The following FMO2 variants were observed in gnomAD, a reference collection of about 807,000 sequenced individuals.
FMO2 encodes flavin-containing monooxygenase 2.
FMO2 carries 33 observed loss-of-function variants against 41.6 expected under a neutral mutation model. The ratio of observed to expected loss-of-function variants is 0.79; its 90% confidence interval spans 0.60 to 1.06. The LOEUF (loss-of-function observed/expected upper bound fraction) is 1.06, where lower values mean the gene tolerates loss of function less well. Among genes scored for constraint, FMO2 ranks in the 50% least tolerant of loss-of-function variants. The pLI, the probability that FMO2 is intolerant of heterozygous loss-of-function variation, is 0.00. For missense variants in FMO2, 619 were observed against 632.9 expected (o/e 0.98, Z 0.23); for synonymous variants, 214 against 219.6 (o/e 0.97, Z 0.23).
intron 7 of FMO2, 123 bp from the exon 8 acceptor site, chr1:171,207,595 C>T (rs1658814256): frequency 9.8e-6 from 7 of 714,652 alleles, no homozygotes; most frequent in South Asian, 8.7e-5. Context: ...AGTTCAACAG[C>T]ACGGAAGCCC....
intron 2 of FMO2, among the ~76,000 whole-genome samples, chr1:171,187,171 G>T (rs993808078): frequency 3.9e-5 from 6 of 152,184 alleles, no homozygotes; most frequent in Admixed American, 2.0e-4. Flanking sequence ...GCCCTAACTT[G>T]CATTCTTGCT....
intron 5 of FMO2, among the ~76,000 whole-genome samples, chr1:171,203,111 G>C (rs763678423): frequency 6.6e-6 from 1 of 152,020 alleles, no homozygotes; most frequent in African/African-American, 2.4e-5. Flanking sequence ...GGGAGGCTGC[G>C]GCAGGAGGAT....
rs748692365 is a variant in FMO2, at chr1:171,205,636, T to C, written c.1183+2T>C. The C allele has an allele frequency of 6.3e-7, 1 of 1,594,350 alleles. No individual in the cohort carries two copies. The highest frequency in any genetic ancestry group is 8.6e-7 in the Non-Finnish European group (1 of 1,168,462). ...GTTGGGTGACAAGAGTTTTCAAAGG[T>C]AAGTGTGTAGGCAGGTGAGTGGCTA... On this transcript the variant is annotated splice_donor_variant, in intron 7 of 8. Transcript: ENST00000209929. LOFTEE classifies it high-confidence loss of function.
At chr1:171,207,676 T>C (rs903327805) in intron 7 of FMO2, 42 bp from the exon 8 acceptor site, 1 of 1,265,058 alleles carries the variant, frequency 7.9e-7, no homozygotes, top group Non-Finnish European at 1.1e-6. Context: ...AGTAATGATA[T>C]TGACTCAAAC....
chr1:171,185,452 G>C (rs1440317060), intron 1 of FMO2, 93 bp downstream of exon 1: 3 of 333,568 alleles, frequency 9.0e-6, no homozygotes, highest in Non-Finnish European at 1.7e-5. Flanking sequence ...TTACTGCATA[G>C]TCTGGCTTTG....
At chr1:171,207,232 C>T (rs1658797672) in intron 7 of FMO2, among the ~76,000 whole-genome samples, 1 of 152,192 alleles carries the variant, frequency 6.6e-6, no homozygotes, top group Admixed American at 6.5e-5. Context: ...CCTATCTCTA[C>T]TGCCCTACTC....
chr1:171,193,897 G>A (rs556196350), intron 3 of FMO2, among the ~76,000 whole-genome samples: 3 of 151,498 alleles, frequency 2.0e-5, no homozygotes, highest in Admixed American at 1.3e-4. Flanking sequence ...CTCCTGCCTC[G>A]GCCTCCAGAG....
At chr1:171,189,647 C>CTTTTTTAT in intron 2 of FMO2, among the ~76,000 whole-genome samples, 1 of 120,436 alleles carries the variant, frequency 8.3e-6, no homozygotes, top group South Asian at 2.9e-4. Context: ...CTGAGCCCGT[C>CTTTTTTAT]TTTTTTCTTT....
intron 5 of FMO2, among the ~76,000 whole-genome samples, chr1:171,199,844 A>G (rs1368639729): frequency 6.6e-6 from 1 of 152,090 alleles, no homozygotes; most frequent in Non-Finnish European, 1.5e-5. Context: ...CCTCCTGAGT[A>G]GCTGGGACTA....
rs772833313 is a variant in FMO2 at position 171,208,935 on chromosome 1, AC to A, written c.1401del (p.Cys468AlafsTer29). On this transcript the variant is annotated frameshift_variant, in exon 9 of 9. Coordinates refer to ENST00000209929, the MANE Select transcript of FMO2 (RefSeq NM_001460.5). LOFTEE classifies it low-confidence loss of function (END_TRUNC). Reference sequence around the variant, plus strand: ...AACTGGCTGTGAGACTCTATTTCGGACCCTGCAACTCCTATCAGTATCGCCT... The same window carrying A: ...AACTGGCTGTGAGACTCTATTTCGGACCTGCAACTCCTATCAGTATCGCCT... ...PKLAVRLYFG[P>X]CNSYQYRLVG... 40 of 1,613,868 alleles carry A rather than the reference AC, an allele frequency of 2.5e-5. No individual in the cohort carries two copies. The highest frequency in any genetic ancestry group is 5.0e-5 in the Admixed American group (3 of 59,992).
intron 5 of FMO2, 122 bp from the exon 6 acceptor site, chr1:171,203,743 C>A: frequency 2.4e-6 from 2 of 817,264 alleles, no homozygotes; most frequent in Non-Finnish European, 3.9e-6. Context: ...TGAGGTCAAT[C>A]ATCTTTAAAA....
intron 8 of FMO2, 118 bp downstream of exon 8, chr1:171,207,908 G>T: frequency 1.5e-6 from 1 of 669,912 alleles, no homozygotes; most frequent in Non-Finnish European, 2.6e-6. Context: ...CTATAGCCCA[G>T]ATGATTGAAT....
chr1:171,189,095 TTAA>T (rs1657970871), intron 2 of FMO2: 1 of 152,208 alleles, frequency 6.6e-6, no homozygotes, highest in African/African-American at 2.4e-5. Flanking sequence ...GCTGTCACAC[TTAA>T]TAACCTTGCT....
At position 171,185,752 on chromosome 1, in the gene FMO2, TG is replaced by T; in HGVS notation, c.41del (p.Gly14AlafsTer2). On this transcript the variant is annotated frameshift_variant, in exon 2 of 9. Transcript: ENST00000209929. LOFTEE classifies it high-confidence loss of function. ...KVAVIGAGVS[G>X]LISLKCCVDE... ...TAGCTGTGATTGGAGCTGGGGTCAG[TG>T]GCCTAATTTCTCTGAAGTGCTGTGT... 6.2e-7 allele frequency: 1 copy of T among 1,613,900 alleles called. No individual in the cohort carries two copies. The highest frequency in any genetic ancestry group is 1.1e-5 in the South Asian group (1 of 91,066).
chr1:171,185,459 T>C (rs1571265345), intron 1 of FMO2, 100 bp downstream of exon 1: 1 of 354,088 alleles, frequency 2.8e-6, no homozygotes, highest in East Asian at 5.0e-5. Flanking sequence ...ATAGTCTGGC[T>C]TTGTTCAATG....
intron 2 of FMO2, among the ~76,000 whole-genome samples, chr1:171,188,040 T>C (rs1042004393): frequency 5.1e-5 from 6 of 116,812 alleles, no homozygotes; most frequent in African/African-American, 2.7e-4. Context: ...ATTTTTTTTT[T>C]TTTTTTTTTT....
chr1:171,195,158 A>G (rs956160382), intron 3 of FMO2, among the ~76,000 whole-genome samples: 5 of 152,116 alleles, frequency 3.3e-5, no homozygotes. Context: ...TGGAGAGTGA[A>G]GAGGGGTTGG....
chr1:171,204,785 TG>T (rs1658685900), intron 6 of FMO2, among the ~76,000 whole-genome samples: 1 of 152,210 alleles, frequency 6.6e-6, no homozygotes. Flanking sequence ...CATGGATATT[TG>T]GGATTAACAA....
In FMO2 at chr1:171,209,144, A is replaced by C. The variant is rs1190770694; in HGVS notation, c.1607A>C (p.Ter536SerextTer3). Residue 536 changes from the stop codon to serine (S), a stop_lost, in exon 9 of 9, where the codon TAG becomes TCG. Transcript: ENST00000209929. The part of the protein sequence containing the change: ...VAFFCQLQWS[*>S] Reference sequence around the variant, plus strand: ...TTTTTTTGCCAACTTCAATGGTCCTAGTCAGCATAATGCTTTGGGCTTTAT... The same window carrying C: ...TTTTTTTGCCAACTTCAATGGTCCTCGTCAGCATAATGCTTTGGGCTTTAT... 1.1e-5 allele frequency: 6 copies of C among 561,588 alleles called. No homozygotes were observed. The highest frequency in any genetic ancestry group is 2.9e-5 in the East Asian group (1 of 34,204). 34.8% of individuals were successfully genotyped at this position (561,588 alleles called of 1,614,324 possible).
Sources: allele counts gnomAD v4.1 joint callset (sites outside exome capture counted in the v4.1 genomes callset), GRCh38; gene constraint gnomAD v4.1.1; transcripts MANE v1.5; gene names NCBI Gene and HGNC (gene_info 2026-07-23, HGNC 2026-07-21).